The following HOXA3 variants were observed in gnomAD, a reference collection of about 807,000 sequenced individuals.
HOXA3 encodes homeobox protein Hox-A3.
In HOXA3, 8 loss-of-function variants were observed where a neutral mutation model predicts 30.3. That is an observed-to-expected ratio of 0.26 (90% CI 0.15 to 0.48). The LOEUF is 0.48. Among genes scored for constraint, HOXA3 ranks in the 20% least tolerant of loss-of-function variants. The pLI is 0.99. For synonymous variants in HOXA3, 323 were observed against 273.1 expected (o/e 1.18, Z -1.80); for missense variants, 653 against 614.4 (o/e 1.06, Z -0.66).
At chr7:27,147,425 G>A in intron 1 of HOXA3, 1 of 1,614,238 alleles carries the variant, frequency 6.2e-7, no homozygotes, top group African/African-American at 1.3e-5. Flanking sequence ...TTGTACTGCT[G>A]CTCGGGAGAA....
chr7:27,109,716 G>A (rs550354067), intron 5 of HOXA3, among the ~76,000 whole-genome samples: 1 of 152,312 alleles, frequency 6.6e-6, no homozygotes, highest in East Asian at 1.9e-4. Flanking sequence ...GGGTGATTAG[G>A]CCTGTTTTTA....
At chr7:27,151,988 G>A (rs1782986849) in intron 1 of HOXA3, among the ~76,000 whole-genome samples, 1 of 152,194 alleles carries the variant, frequency 6.6e-6, no homozygotes, top group Non-Finnish European at 1.5e-5. Context: ...AAGGGATGCT[G>A]CCCTGTGCCT....
intron 1 of HOXA3, chr7:27,147,057 C>T: frequency 1.8e-6 from 1 of 559,406 alleles, no homozygotes; most frequent in South Asian, 2.5e-5. Context: ...GTCTCATATA[C>T]GTGCCAGTGC....
chr7:27,148,562 G>A (rs1782867455), intron 1 of HOXA3, among the ~76,000 whole-genome samples: 2 of 152,206 alleles, frequency 1.3e-5, no homozygotes, highest in Non-Finnish European at 2.9e-5. Flanking sequence ...AGTCCCAAGG[G>A]GCTCAATGGC....
At chr7:27,110,842 T>C in intron 4 of HOXA3, 82 bp from the exon 5 acceptor site, 1 of 706,310 alleles carries the variant, frequency 1.4e-6, no homozygotes, top group Non-Finnish European at 2.2e-6. Flanking sequence ...ATGAAAGCCA[T>C]AAAAGAAAAA....
At chr7:27,128,651 C>T in intron 2 of HOXA3, 1 of 160,222 alleles carries the variant, frequency 6.2e-6, no homozygotes, top group Non-Finnish European at 1.4e-5. Context: ...AAGGGGACAA[C>T]AGTATCTCTG....
In HOXA3 at chr7:27,113,240, C is replaced by A. The variant is rs1443578264; in HGVS notation, c.-120-2480G>T. ...GGCTAAATTGAGTGCAAGAAGCAAG[C>A]CCTATTGTCTCTCTGGAAGATGTGC... On this transcript the variant is annotated intron_variant, in intron 4 of 5. Coordinates refer to ENST00000612286, the MANE Select transcript of HOXA3 (RefSeq NM_153631.3). This position sits in a 1 kb window ranked among gnomAD's most constrained non-coding sequence, Gnocchi z 4.8. Among the ~76,000 whole-genome samples, 1 of 152,184 alleles carries A rather than the reference C, an allele frequency of 6.6e-6. No homozygotes were observed. The highest frequency in any genetic ancestry group is 2.4e-5 in the African/African-American group (1 of 41,444).
intron 2 of HOXA3, among the ~76,000 whole-genome samples, chr7:27,132,744 T>C (rs1173916813): frequency 6.6e-6 from 1 of 152,178 alleles, no homozygotes; most frequent in Non-Finnish European, 1.5e-5. Context: ...GAAAAAATAA[T>C]ATACACATAG....
chr7:27,139,662 A>T (rs1215526515), intron 2 of HOXA3, among the ~76,000 whole-genome samples: 1 of 151,660 alleles, frequency 6.6e-6, no homozygotes, highest in Non-Finnish European at 1.5e-5. Context: ...CCGGCGCCCC[A>T]CTGTCTCCCA....
Position 27,132,585 on chromosome 7 carries a change from A to G in HOXA3, c.-389-5515T>C, listed in dbSNP as rs550529547. On this transcript the variant is annotated intron_variant, in intron 2 of 5. Transcript: ENST00000612286. ...TGAGTGTGAAGAGTGCTGTCCATTC[A>G]CATGAGGCACCCTGAAAATTTGTTT... Among the ~76,000 whole-genome samples, 362 of 152,350 alleles carry G rather than the reference A, an allele frequency of 2.4e-3. 1 individual carries two copies. Among genetic ancestry groups the G allele is most frequent in the African/African-American group, 8.2e-3 (342 of 41,578 alleles).
intron 4 of HOXA3, among the ~76,000 whole-genome samples, chr7:27,112,955 A>T (rs1398501576): frequency 2.0e-5 from 3 of 152,226 alleles, no homozygotes; most frequent in African/African-American, 7.2e-5. Flanking sequence ...TAAACTTAAA[A>T]TATAAATTCG....
chr7:27,124,442 G>A (rs1229204780), intron 3 of HOXA3: 1 of 152,190 alleles, frequency 6.6e-6, no homozygotes, highest in East Asian at 1.9e-4. Context: ...ACGTTTCCCC[G>A]GACGCGGCGC....
At chr7:27,143,659 TA>T (rs1448666486) in intron 1 of HOXA3, 2 of 1,542,054 alleles carry the variant, frequency 1.3e-6, no homozygotes, top group African/African-American at 2.8e-5. Context: ...TTTGTGCGTC[TA>T]TAGCACCCTT....
intron 1 of HOXA3, among the ~76,000 whole-genome samples, chr7:27,144,095 G>A (rs1230158696): frequency 6.6e-6 from 1 of 152,266 alleles, no homozygotes; most frequent in Non-Finnish European, 1.5e-5. Context: ...GGATGCAGAG[G>A]ATTGGGGGGA....
chr7:27,130,647 C>T (rs771504683), intron 2 of HOXA3: 2 of 1,598,674 alleles, frequency 1.3e-6, no homozygotes, highest in Non-Finnish European at 1.7e-6. Context: ...CTGCGCCGCC[C>T]GAGCCGCTGT....
intron 2 of HOXA3, chr7:27,129,244 G>T (rs778664744): frequency 1.3e-6 from 2 of 1,566,344 alleles, no homozygotes; most frequent in South Asian, 2.2e-5. Context: ...GGAGGGAACG[G>T]GTGTGGAGGT....
intron 1 of HOXA3, chr7:27,145,518 G>T: frequency 1.0e-6 from 1 of 954,582 alleles, no homozygotes; most frequent in Non-Finnish European, 1.6e-6. Flanking sequence ...ATGCACAGAC[G>T]CTTGCAAAGC....
At chr7:27,130,727 T>C in intron 2 of HOXA3, 4 of 1,605,394 alleles carry the variant, frequency 2.5e-6, no homozygotes, top group South Asian at 1.1e-5. Context: ...AACGAGCTCA[T>C]GGTCATTAAT....
At chr7:27,134,300 A>T (rs1785651010) in intron 2 of HOXA3, 1 of 152,234 alleles carries the variant, frequency 6.6e-6, no homozygotes, top group African/African-American at 2.4e-5. Context: ...CACACAACGC[A>T]GGGATGAGGA....
Sources: allele counts gnomAD v4.1 joint callset (sites outside exome capture counted in the v4.1 genomes callset), GRCh38; gene constraint gnomAD v4.1.1; non-coding constraint Gnocchi (gnomAD v3.1); transcripts MANE v1.5; gene names NCBI Gene and HGNC (gene_info 2026-07-23, HGNC 2026-07-21).